C6orf118: variants seen among roughly 807,000 people sequenced by gnomAD.
C6orf118 encodes the protein chromosome 6 open reading frame 118, also known as uncharacterized protein C6orf118.
A neutral mutation model predicts 50.2 loss-of-function variants in C6orf118; 50 were observed. That is an observed-to-expected ratio of 1.00 (90% confidence interval 0.79 to 1.26). The LOEUF is 1.26. Among genes scored for constraint, C6orf118 ranks in the 50% most tolerant of loss-of-function variants. The pLI is 0.00. For synonymous variants in C6orf118, 239 were observed against 230.9 expected, an observed-to-expected ratio of 1.03 and a Z score of -0.32; for missense variants, 641 against 578.7, an observed-to-expected ratio of 1.11 and a Z score of -1.10.
intron 6 of C6orf118, 74 bp downstream of exon 6, chr6:165,293,339 C>T (rs1222425433): frequency 5.2e-6 from 7 of 1,357,522 alleles, no homozygotes; most frequent in Non-Finnish European, 7.4e-6. Context: ...AGACAGGCAG[C>T]CACACTGCAG....
intron 4 of C6orf118, among the ~76,000 whole-genome samples, chr6:165,298,945 G>C (rs981306694): frequency 1.3e-5 from 2 of 152,210 alleles, no homozygotes; most frequent in Non-Finnish European, 2.9e-5. Context: ...TACAGTGTTA[G>C]ATTTTCTTAG....
chr6:165,302,867 T>C (rs1316859396), intron 1 of C6orf118, among the ~76,000 whole-genome samples: 2 of 152,158 alleles, frequency 1.3e-5, no homozygotes, highest in Non-Finnish European at 2.9e-5. Context: ...AGAGTCATCA[T>C]CTCAATCAAA....
At chr6:165,289,180 A>G (rs528004194) in intron 7 of C6orf118, among the ~76,000 whole-genome samples, 4,984 of 151,510 alleles carry the variant, frequency 0.033, 111 homozygotes, top group Non-Finnish European at 0.051. Flanking sequence ...CCTCCAAAAA[A>G]AAAAAGAAAA....
intron 7 of C6orf118, among the ~76,000 whole-genome samples, chr6:165,283,364 A>G (rs1779796514): frequency 6.6e-6 from 1 of 152,160 alleles, no homozygotes; most frequent in South Asian, 2.1e-4. Flanking sequence ...AGCCCACACC[A>G]TCAGGGTCTT....
chr6:165,301,374 C>T (rs1025906513), intron 2 of C6orf118, among the ~76,000 whole-genome samples, 195 bp downstream of exon 2: 1 of 147,812 alleles, frequency 6.8e-6, no homozygotes, highest in Admixed American at 6.8e-5. Context: ...AGCACTGCAC[C>T]GAGAACACTG....
chr6:165,293,033 T>A lies in C6orf118; in HGVS notation c.1120+380A>T, dbSNP rs183352693. Among the ~76,000 whole-genome samples the A allele has an allele frequency of 3.9e-3, 599 of 152,344 alleles. 2 individuals carry two copies. The highest frequency in any genetic ancestry group is 0.014 in the African/African-American group (569 of 41,580). ...AAAGTTGGAAAACAGTCAAAGTTAATGAGCAAGATACTTAAACTTATTTTT... is the reference window on the plus strand; with the variant it reads ...AAAGTTGGAAAACAGTCAAAGTTAAAGAGCAAGATACTTAAACTTATTTTT... On this transcript the variant is annotated intron_variant, in intron 6 of 8. Transcript: ENST00000230301.
chr6:165,291,397 C>T (rs1780101232), intron 6 of C6orf118, among the ~76,000 whole-genome samples: 1 of 152,034 alleles, frequency 6.6e-6, no homozygotes, highest in Admixed American at 6.5e-5. Context: ...GGTTTCAATC[C>T]CACCTTGGCC....
chr6:165,281,339 G>T (rs1779723657), intron 8 of C6orf118: 1 of 239,806 alleles, frequency 4.2e-6, no homozygotes, highest in African/African-American at 2.3e-5. Context: ...GCACAGAAAA[G>T]AATGCAACAT....
At chr6:165,292,333 G>T (rs185906038) in intron 6 of C6orf118, among the ~76,000 whole-genome samples, 1 of 152,276 alleles carries the variant, frequency 6.6e-6, no homozygotes, top group East Asian at 1.9e-4. Context: ...AATAAAGCAG[G>T]AAGAACCAGG....
rs1346797920 is a variant in C6orf118 at position 165,302,220 on chromosome 6, T to C, written c.102A>G (p.Gly34=). 6.2e-7 allele frequency: 1 copy of C among 1,612,246 alleles called. No individual in the cohort carries two copies. Among genetic ancestry groups the C allele is most frequent in the Admixed American group, 1.7e-5 (1 of 59,946 alleles). ...LCNLKHCETP[G]VKTLCNLKKL... is the part of the protein sequence containing the mutation. ...TCTTCAGATTACACAGGGTCTTCAC[T>C]CCTGGCGTCTCGCAGTGCTTCAGAT... is the stretch of plus-strand genomic sequence containing the variant. Residue 34 remains glycine, a synonymous_variant, in exon 2 of 9, where the codon GGA becomes GGG. Coordinates refer to ENST00000230301, the MANE Select transcript of C6orf118 (RefSeq NM_144980.4).
chr6:165,299,534 A>C, intron 3 of C6orf118, 32 bp from the exon 4 acceptor site: 2 of 1,583,320 alleles, frequency 1.3e-6, no homozygotes, highest in Non-Finnish European at 1.7e-6. Flanking sequence ...TCCACTGGCC[A>C]TGTATGAGGA....
In C6orf118 at chr6:165,293,477, A is replaced by G. The variant is rs761039986; in HGVS notation, c.1062-6T>C. On this transcript the variant is annotated splice_polypyrimidine_tract_variant and splice_region_variant and intron_variant, in intron 5 of 8. Coordinates refer to ENST00000230301, the MANE Select transcript of C6orf118 (RefSeq NM_144980.4). ...TCTCCAGTTCACTTCTGAGTCTACA[A>G]TGTGAGGATAAACAATAGGGAAATA... 46 of 1,611,310 alleles carry G rather than the reference A, an allele frequency of 2.9e-5. No homozygotes were observed. Among genetic ancestry groups the G allele is most frequent in the Non-Finnish European group, 3.7e-5 (44 of 1,178,014 alleles).
At chr6:165,303,389 C>A (rs1219669456) in intron 1 of C6orf118, among the ~76,000 whole-genome samples, 1 of 150,018 alleles carries the variant, frequency 6.7e-6, no homozygotes, top group Admixed American at 6.7e-5. Context: ...AAATTGACAC[C>A]CTAACATCAC....
chr6:165,309,544 C>T lies in C6orf118; in HGVS notation c.25+18G>A, dbSNP rs755673801. On this transcript the variant is annotated intron_variant, in intron 1 of 8. Coordinates refer to ENST00000230301, the MANE Select transcript of C6orf118 (RefSeq NM_144980.4). ...AGCAAATCTCACAAGCCAGCAAGAG[C>T]CGCTCCAGGCCACTTACATTCAGGC... The T allele has an allele frequency of 1.9e-6, 3 of 1,613,994 alleles. No individual in the cohort carries two copies. The highest frequency in any genetic ancestry group is 1.7e-5 in the Admixed American group (1 of 60,012).
intron 6 of C6orf118, among the ~76,000 whole-genome samples, chr6:165,292,134 C>T (rs756108054): frequency 6.6e-6 from 1 of 152,044 alleles, no homozygotes; most frequent in Non-Finnish European, 1.5e-5. Flanking sequence ...AGGTTTCAGC[C>T]CAAAACCATC....
chr6:165,281,387 C>T (rs1352559614), intron 8 of C6orf118: 2 of 596,444 alleles, frequency 3.4e-6, no homozygotes, highest in Non-Finnish European at 4.8e-6. Flanking sequence ...GTGAACCCTT[C>T]AAAGGTCTAT....
intron 6 of C6orf118, among the ~76,000 whole-genome samples, chr6:165,292,032 T>A (rs1468868192): frequency 1.3e-5 from 2 of 152,188 alleles, no homozygotes; most frequent in Non-Finnish European, 2.9e-5. Flanking sequence ...ATGAGCTAGC[T>A]GAGGGGATAG....
chr6:165,286,861 G>T (rs567848733), intron 7 of C6orf118, among the ~76,000 whole-genome samples: 1 of 152,010 alleles, frequency 6.6e-6, no homozygotes. Flanking sequence ...TTTAAAACTG[G>T]CATGCACAAG....
intron 7 of C6orf118, chr6:165,282,161 T>C (rs1302600538): frequency 6.6e-6 from 1 of 152,244 alleles, no homozygotes; most frequent in Non-Finnish European, 1.5e-5. Context: ...CACCAAGTTA[T>C]AAAAATACAT....
Sources: gnomAD v4.1 joint callset for allele counts (sites outside exome capture counted in the v4.1 genomes callset) on GRCh38, gnomAD v4.1.1 for gene constraint, MANE v1.5 for transcripts, NCBI Gene and HGNC (gene_info 2026-07-23, HGNC 2026-07-21) for gene names.